FHOD3: variants seen among roughly 807,000 people sequenced by gnomAD.
The protein encoded by FHOD3 is formin homology 2 domain containing 3, also known as FH1/FH2 domain-containing protein 3.
Under a neutral mutation model 173.0 loss-of-function variants are expected in FHOD3, and 90 were observed. That is an observed-to-expected ratio of 0.52 (90% CI 0.44 to 0.62). The LOEUF (loss-of-function observed/expected upper bound fraction) is 0.62. Among genes scored for constraint, FHOD3 ranks in the 20% least tolerant of loss-of-function variants. The pLI, the probability that FHOD3 is intolerant of heterozygous loss-of-function variation, is 0.00. For synonymous variants in FHOD3, 828 were observed against 823.0 expected (o/e 1.01, Z -0.10); for missense variants, 1,945 against 2,034.7 (o/e 0.96, Z 0.85).
chr18:36,342,075 T>C (rs1201757466), intron 1 of FHOD3, among the ~76,000 whole-genome samples: 2 of 151,886 alleles, frequency 1.3e-5, no homozygotes, highest in Non-Finnish European at 2.9e-5. Context: ...AAATGACAAA[T>C]ACAAAAAAAG....
chr18:36,507,642 A>G (rs1224120454), intron 4 of FHOD3, among the ~76,000 whole-genome samples: 2 of 152,196 alleles, frequency 1.3e-5, no homozygotes, highest in African/African-American at 4.8e-5. Flanking sequence ...CTTCTAGAAG[A>G]TGTCTCTGTC....
At chr18:36,414,756 G>T (rs2049541309) in intron 3 of FHOD3, among the ~76,000 whole-genome samples, 2 of 152,198 alleles carry the variant, frequency 1.3e-5, no homozygotes, top group African/African-American at 4.8e-5. Context: ...CGTTTCAGGA[G>T]TTTTAACCCT....
At chr18:36,531,267 G>C (rs957371376) in intron 5 of FHOD3, among the ~76,000 whole-genome samples, 3 of 152,154 alleles carry the variant, frequency 2.0e-5, no homozygotes, top group African/African-American at 7.2e-5. Context: ...CTCCATCTGT[G>C]CATCACTGGG....
intron 1 of FHOD3, among the ~76,000 whole-genome samples, chr18:36,316,766 A>G (rs986062593): frequency 2.2e-4 from 34 of 152,094 alleles, no homozygotes; most frequent in Admixed American, 5.2e-4. Flanking sequence ...GTACATGTGC[A>G]CAATGTGCAG....
intron 5 of FHOD3, chr18:36,544,691 AGT>A (rs1269844635): frequency 6.6e-6 from 1 of 152,406 alleles, no homozygotes; most frequent in Non-Finnish European, 1.5e-5. Flanking sequence ...AAACCAGGTG[AGT>A]GTGTGTGGAC....
At chr18:36,446,434 A>G (rs1181441578) in intron 3 of FHOD3, among the ~76,000 whole-genome samples, 1 of 145,050 alleles carries the variant, frequency 6.9e-6, no homozygotes, top group Non-Finnish European at 1.5e-5. Flanking sequence ...TTGCTTTTCC[A>G]GTGCGCTGTC....
chr18:36,606,782 T>A (rs1199018074), intron 8 of FHOD3, among the ~76,000 whole-genome samples: 1 of 152,196 alleles, frequency 6.6e-6, no homozygotes, highest in Middle Eastern at 3.2e-3. Flanking sequence ...GGAACTGGCA[T>A]AGATGTTCAC....
chr18:36,354,194 T>G (rs1386308257), intron 1 of FHOD3, among the ~76,000 whole-genome samples: 1 of 152,166 alleles, frequency 6.6e-6, no homozygotes, highest in African/African-American at 2.4e-5. Context: ...CGTGACAAAA[T>G]TTTCAAGTTC....
intron 3 of FHOD3, among the ~76,000 whole-genome samples, chr18:36,485,541 A>G (rs930314778): frequency 6.6e-6 from 1 of 152,176 alleles, no homozygotes; most frequent in African/African-American, 2.4e-5. Context: ...TTTCTCTGTG[A>G]ACTGACTCAG....
At chr18:36,302,143 T>C (rs1348376037) in intron 1 of FHOD3, among the ~76,000 whole-genome samples, 1 of 152,228 alleles carries the variant, frequency 6.6e-6, no homozygotes, top group Non-Finnish European at 1.5e-5. Flanking sequence ...GACTCCACTT[T>C]TGTGTCCTGA....
chr18:36,621,661 C>T (rs534423032), intron 9 of FHOD3, among the ~76,000 whole-genome samples: 1 of 152,290 alleles, frequency 6.6e-6, no homozygotes, highest in Admixed American at 6.5e-5. Flanking sequence ...TGTTGATGTT[C>T]CATTGGCCAA....
At chr18:36,440,632 T>C (rs570357426) in intron 3 of FHOD3, among the ~76,000 whole-genome samples, 186 of 152,354 alleles carry the variant, frequency 1.2e-3, no homozygotes, top group Non-Finnish European at 2.0e-3. Context: ...GAAGATTATC[T>C]TGAGGCAGGA....
chr18:36,342,718 C>T (rs2045684520), intron 1 of FHOD3, among the ~76,000 whole-genome samples: 1 of 152,156 alleles, frequency 6.6e-6, no homozygotes, highest in Admixed American at 6.5e-5. Context: ...CAAAGGGCAT[C>T]ATCAGAAAGT....
At chr18:36,770,907 T>C (rs2043349400) in intron 28 of FHOD3, among the ~76,000 whole-genome samples, 1 of 152,158 alleles carries the variant, frequency 6.6e-6, no homozygotes, top group Non-Finnish European at 1.5e-5. Context: ...CTTCCTCTGC[T>C]CTCCACTACG....
At chr18:36,428,380 T>A (rs1389672707) in intron 3 of FHOD3, among the ~76,000 whole-genome samples, 1 of 152,202 alleles carries the variant, frequency 6.6e-6, no homozygotes, top group East Asian at 1.9e-4. Context: ...TTTGACAAAT[T>A]GCAAAATGCC....
rs1015723680 is a variant in FHOD3 at position 36,376,412 on chromosome 18, T to C, written c.337+3668T>C. Among the ~76,000 whole-genome samples, 46 of 152,210 alleles carry C rather than the reference T, an allele frequency of 3.0e-4. 1 individual carries two copies. The highest frequency in any genetic ancestry group is 3.3e-4 in the Admixed American group (5 of 15,286). On this transcript the variant is annotated intron_variant, in intron 3 of 28. Transcript: ENST00000590592. The stretch of plus-strand genomic sequence containing the variant: ...GGCCTGTCCTTTCAAGTGTCCAATA[T>C]TGAGTTAAACAAAAGTGTAAAATTT...
chr18:36,534,229 G>A (rs1320699223), intron 5 of FHOD3, among the ~76,000 whole-genome samples: 1 of 152,182 alleles, frequency 6.6e-6, no homozygotes, highest in East Asian at 1.9e-4. Flanking sequence ...GTGGTTTAGG[G>A]GAGCATAAAA....
chr18:36,298,759 G>T (rs1293911576), intron 1 of FHOD3, among the ~76,000 whole-genome samples: 5 of 146,316 alleles, frequency 3.4e-5, no homozygotes, highest in South Asian at 2.1e-4. Context: ...CGTTAGAGAG[G>T]TTTTTTTTTT....
chr18:36,603,338 G>A (rs75715413), intron 8 of FHOD3, among the ~76,000 whole-genome samples: 1 of 152,022 alleles, frequency 6.6e-6, no homozygotes, highest in Non-Finnish European at 1.5e-5. Flanking sequence ...TCCTTTATGC[G>A]ACACGTGGAG....
Sources: allele counts gnomAD v4.1 joint callset (sites outside exome capture counted in the v4.1 genomes callset), GRCh38; gene constraint gnomAD v4.1.1; transcripts MANE v1.5; gene names NCBI Gene and HGNC (gene_info 2026-07-23, HGNC 2026-07-21).